RAP1GAP2: variants seen among roughly 807,000 people sequenced by gnomAD.
RAP1GAP2 encodes rap1 GTPase-activating protein 2.
Under a neutral mutation model 95.0 loss-of-function variants are expected in RAP1GAP2, and 27 were observed. The observed-to-expected ratio is 0.28, with a 90% CI of 0.21 to 0.39. The LOEUF is 0.39. Among genes scored for constraint, RAP1GAP2 ranks in the 10% least tolerant of loss-of-function variants. The pLI is 1.00. For synonymous variants in RAP1GAP2, 373 were observed against 380.9 expected (o/e 0.98, Z 0.24); for missense variants, 771 against 970.0 (o/e 0.79, Z 2.72).
chr17:2,962,035 T>C (rs2044356167), intron 4 of RAP1GAP2, among the ~76,000 whole-genome samples: 1 of 152,030 alleles, frequency 6.6e-6, no homozygotes, highest in Admixed American at 6.6e-5. Context: ...CCTGAGTAGC[T>C]GGGATTACAG....
intron 24 of RAP1GAP2, among the ~76,000 whole-genome samples, 185 bp downstream of exon 24, chr17:3,032,634 C>T (rs577787494): frequency 2.0e-5 from 3 of 152,192 alleles, no homozygotes; most frequent in East Asian, 3.9e-4. Context: ...GGCCTGTGTG[C>T]GGATGGGAAG....
rs140266636 is a variant in RAP1GAP2, at chr17:2,939,389, G to A, written c.166-18370G>A. On this transcript the variant is annotated intron_variant, in intron 3 of 24. Coordinates refer to ENST00000254695, the MANE Select transcript of RAP1GAP2 (RefSeq NM_015085.5). The stretch of plus-strand genomic sequence containing the variant: ...ACAGGCGGGAGCCGCCTTGCCCGGC[G>A]CACTTACTCTTTTAGCTCTTTCTTC... Among the ~76,000 whole-genome samples, 7 of 152,364 alleles carry A rather than the reference G, an allele frequency of 4.6e-5. No homozygotes were observed. The East Asian group carries it at 9.7e-4, about 21-fold the overall frequency.
At chr17:2,811,955 T>TC (rs1033452721) in intron 2 of RAP1GAP2, among the ~76,000 whole-genome samples, 23 of 152,218 alleles carry the variant, frequency 1.5e-4, no homozygotes, top group Admixed American at 5.2e-4. Flanking sequence ...CCTCAGGTGA[T>TC]CCCCCCAGCT....
Position 2,855,716 on chromosome 17 carries a change from A to C in RAP1GAP2, c.81-49568A>C, listed in dbSNP as rs933744684. ...CAACCTCCACCTCCTGGGCTCAAACAATTCTCGGGCCTCAGCCTCCGGAGT... is the reference window on the plus strand; with the variant it reads ...CAACCTCCACCTCCTGGGCTCAAACCATTCTCGGGCCTCAGCCTCCGGAGT... On this transcript the variant is annotated intron_variant, in intron 2 of 24. Transcript: ENST00000254695. This position sits in a 1 kb window ranked among gnomAD's most constrained non-coding sequence, Gnocchi z 4.3. Among the ~76,000 whole-genome samples, 7 of 152,160 alleles carry C rather than the reference A, an allele frequency of 4.6e-5. No individual in the cohort carries two copies. The highest frequency in any genetic ancestry group is 1.7e-4 in the African/African-American group (7 of 41,436).
In RAP1GAP2 at chr17:3,005,424, C is replaced by G; in HGVS notation, c.1256C>G (p.Pro419Arg). ...VPTFGPPLPS[P>R]PVFQKGPEFR... ...ACCTTTGGTCCACCTCTGCCCAGTC[C>G]CCCCGTTTTCCAGAAGGTAGGACAC... Residue 419 changes from proline (P) to arginine (R), a missense_variant, in exon 15 of 25, where the codon CCC (proline) becomes CGC (arginine). Physicochemically the swap from Pro to Arg is moderately radical, Grantham distance 103. Transcript: ENST00000254695. This position sits in a 1 kb window ranked among gnomAD's most constrained non-coding sequence, Gnocchi z 5.2. The G allele has an allele frequency of 6.2e-7, 1 of 1,613,502 alleles. No individual in the cohort carries two copies. Among genetic ancestry groups the G allele is most frequent in the Non-Finnish European group, 8.5e-7 (1 of 1,179,498 alleles).
At chr17:2,953,428 A>G (rs568507286) in intron 3 of RAP1GAP2, among the ~76,000 whole-genome samples, 1 of 152,188 alleles carries the variant, frequency 6.6e-6, no homozygotes, top group South Asian at 2.1e-4. Flanking sequence ...CCTCAACTTA[A>G]TATATCTTGG....
intron 3 of RAP1GAP2, among the ~76,000 whole-genome samples, chr17:2,951,111 G>A (rs1164818420): frequency 6.6e-6 from 1 of 152,206 alleles, no homozygotes; most frequent in Non-Finnish European, 1.5e-5. Context: ...CTGAGTTCTG[G>A]GGTTCAGCAT....
intron 2 of RAP1GAP2, chr17:2,853,957 C>T: frequency 4.1e-6 from 4 of 982,828 alleles, no homozygotes; most frequent in Non-Finnish European, 4.8e-6. Context: ...GCTGCGGGGA[C>T]GCGGGCGGGC....
chr17:2,764,754 CAG>C (rs1327484363), intron 1 of RAP1GAP2, among the ~76,000 whole-genome samples: 3 of 152,076 alleles, frequency 2.0e-5, no homozygotes, highest in Non-Finnish European at 2.9e-5. Context: ...AAAATAAAAA[CAG>C]AGTGAGATTC....
chr17:3,031,935 T>C (rs12947533), intron 23 of RAP1GAP2, among the ~76,000 whole-genome samples: 3,511 of 138,716 alleles, frequency 0.025, 46 homozygotes, highest in Non-Finnish European at 0.038. Flanking sequence ...TATCGAGAGC[T>C]CCAGGTCCAG....
At chr17:3,002,673 G>C (rs2046201050) in intron 14 of RAP1GAP2, among the ~76,000 whole-genome samples, 1 of 152,196 alleles carries the variant, frequency 6.6e-6, no homozygotes, top group African/African-American at 2.4e-5. Flanking sequence ...AGAAAGAAGA[G>C]TATAAAGGAG....
At chr17:2,888,871 C>T (rs1816242268) in intron 2 of RAP1GAP2, among the ~76,000 whole-genome samples, 1 of 150,852 alleles carries the variant, frequency 6.6e-6, no homozygotes, top group African/African-American at 2.4e-5. Context: ...CCATGTTGCC[C>T]AGGCTGGTCT....
chr17:2,964,296 G>C (rs1231365583), intron 7 of RAP1GAP2: 1 of 92,388 alleles, frequency 1.1e-5, no homozygotes, highest in Non-Finnish European at 2.2e-5. Flanking sequence ...GCTGCGGGGG[G>C]TGGGGGTGAG....
intron 13 of RAP1GAP2, among the ~76,000 whole-genome samples, chr17:2,997,582 C>T (rs190710632): frequency 2.6e-4 from 40 of 152,248 alleles, no homozygotes; most frequent in African/African-American, 9.4e-4. Flanking sequence ...TCGCTAGCCT[C>T]TACCTAACGA....
At chr17:2,874,753 G>C (rs1397480011) in intron 2 of RAP1GAP2, among the ~76,000 whole-genome samples, 1 of 152,134 alleles carries the variant, frequency 6.6e-6, no homozygotes, top group Non-Finnish European at 1.5e-5. Flanking sequence ...CGTTTAGCTT[G>C]CGAGCTCTCT....
intron 1 of RAP1GAP2, among the ~76,000 whole-genome samples, chr17:2,782,491 C>T (rs1001815933): frequency 3.3e-5 from 5 of 152,184 alleles, no homozygotes; most frequent in Admixed American, 6.5e-5. Flanking sequence ...TCATACTCTT[C>T]CCCAGTAGCC....
At chr17:2,774,553 A>G (rs2068456679), upstream of RAP1GAP2, among the ~76,000 whole-genome samples, 1 of 144,368 alleles carries the variant, frequency 6.9e-6, no homozygotes, top group African/African-American at 2.6e-5. Context: ...GCGATCTGCA[A>G]TGTCCGACTC....
intron 2 of RAP1GAP2, among the ~76,000 whole-genome samples, chr17:2,894,030 C>T (rs2073805509): frequency 6.6e-6 from 1 of 152,190 alleles, no homozygotes; most frequent in African/African-American, 2.4e-5. Context: ...GATCCCAGCA[C>T]TTTGGGAGGC....
chr17:2,930,560 C>T (rs1477055806), intron 3 of RAP1GAP2, among the ~76,000 whole-genome samples: 2 of 152,198 alleles, frequency 1.3e-5, no homozygotes, highest in Non-Finnish European at 2.9e-5. Flanking sequence ...CAGCTTCAGC[C>T]GAGGTCTGCA....
Sources: allele counts gnomAD v4.1 joint callset (sites outside exome capture counted in the v4.1 genomes callset), GRCh38; gene constraint gnomAD v4.1.1; non-coding constraint Gnocchi (gnomAD v3.1); transcripts MANE v1.5; gene names NCBI Gene and HGNC (gene_info 2026-07-23, HGNC 2026-07-21).